TAS2R1: variants seen among roughly 807,000 people sequenced by gnomAD.
TAS2R1 encodes taste receptor type 2 member 1.
For missense variants in TAS2R1, 370 were observed against 353.4 expected, an observed-to-expected ratio of 1.05 and a Z score of -0.38; for synonymous variants, 141 against 134.2, an observed-to-expected ratio of 1.05 and a Z score of -0.35.
At chr5:9,840,877 T>A in the TAS2R1 span, among the ~76,000 whole-genome samples, 862 of 30,204 alleles carry the variant, frequency 0.029, 20 homozygotes, top group Middle Eastern at 0.093. Context: ...TTTTTTTTTT[T>A]TTTTTTTTTT....
the TAS2R1 span, among the ~76,000 whole-genome samples, chr5:9,902,235 A>G: frequency 2.0e-5 from 3 of 152,092 alleles, no homozygotes. Context: ...TCATAAGTTT[A>G]TAATTTAACA....
At chr5:9,655,734 AAC>A (rs1740403838) in intron 2 of TAS2R1, among the ~76,000 whole-genome samples, 1 of 152,150 alleles carries the variant, frequency 6.6e-6, no homozygotes, top group Admixed American at 6.5e-5. Context: ...CACAAGAAAA[AAC>A]ACACACTCAA....
At chr5:9,902,277 G>A in the TAS2R1 span, among the ~76,000 whole-genome samples, 1 of 152,054 alleles carries the variant, frequency 6.6e-6, no homozygotes, top group South Asian at 2.1e-4. Flanking sequence ...GAACTGAGTG[G>A]GTCAACTACC....
the TAS2R1 span, among the ~76,000 whole-genome samples, chr5:9,818,805 T>C: frequency 6.6e-6 from 1 of 152,158 alleles, no homozygotes; most frequent in South Asian, 2.1e-4. Context: ...AGAGTCACAT[T>C]GCAAGATGTG....
At chr5:9,893,614 C>T in the TAS2R1 span, among the ~76,000 whole-genome samples, 1 of 151,962 alleles carries the variant, frequency 6.6e-6, no homozygotes, top group African/African-American at 2.4e-5. Flanking sequence ...AAAAAAAATT[C>T]CAACAGCAAA....
At chr5:9,737,951 C>G in the TAS2R1 span, among the ~76,000 whole-genome samples, 1 of 152,086 alleles carries the variant, frequency 6.6e-6, no homozygotes, top group Non-Finnish European at 1.5e-5. Flanking sequence ...TGTTATCACT[C>G]TAAGAGGGAG....
chr5:9,818,057 A>G, the TAS2R1 span, among the ~76,000 whole-genome samples: 1 of 152,172 alleles, frequency 6.6e-6, no homozygotes, highest in African/African-American at 2.4e-5. Context: ...GGATGAGGAC[A>G]CAGAACCAAA....
chr5:9,723,992 G>C, the TAS2R1 span, among the ~76,000 whole-genome samples: 1 of 152,322 alleles, frequency 6.6e-6, no homozygotes, highest in East Asian at 1.9e-4. Context: ...AGCCATCTCA[G>C]TCTTTCTCCT....
the TAS2R1 span, among the ~76,000 whole-genome samples, chr5:9,873,254 C>T: frequency 6.6e-6 from 1 of 152,130 alleles, no homozygotes; most frequent in Non-Finnish European, 1.5e-5. Flanking sequence ...GATATTCTCC[C>T]TCTCTACGAC....
the TAS2R1 span, among the ~76,000 whole-genome samples, chr5:9,881,566 G>A: frequency 1.5e-4 from 23 of 152,088 alleles, no homozygotes; most frequent in African/African-American, 5.3e-4. Context: ...CCTAAGCAAA[G>A]AGAACAAAGC....
chr5:9,755,587 CAAAA>C, the TAS2R1 span, among the ~76,000 whole-genome samples: 3 of 94,856 alleles, frequency 3.2e-5, no homozygotes, highest in Admixed American at 1.1e-4. Context: ...ACTCCATCTC[CAAAA>C]AAAAAAAAAA....
At chr5:9,792,809 T>C in the TAS2R1 span, among the ~76,000 whole-genome samples, 1 of 152,202 alleles carries the variant, frequency 6.6e-6, no homozygotes, top group Non-Finnish European at 1.5e-5. Context: ...AAGAAGAACA[T>C]GAAGGCCTCT....
At chr5:9,794,356 G>T in the TAS2R1 span, among the ~76,000 whole-genome samples, 1 of 152,100 alleles carries the variant, frequency 6.6e-6, no homozygotes, top group African/African-American at 2.4e-5. Flanking sequence ...AGTCTATCCT[G>T]TTAGGGATAT....
the TAS2R1 span, among the ~76,000 whole-genome samples, chr5:9,789,061 C>T: frequency 6.6e-6 from 1 of 152,070 alleles, no homozygotes; most frequent in Non-Finnish European, 1.5e-5. Context: ...ACCTCTAAAG[C>T]AAATACAACA....
chr5:9,825,149 T>C, the TAS2R1 span, among the ~76,000 whole-genome samples: 5 of 152,234 alleles, frequency 3.3e-5, no homozygotes, highest in Non-Finnish European at 7.3e-5. Context: ...AATACTATCA[T>C]TTCCTTTCTA....
the TAS2R1 span, among the ~76,000 whole-genome samples, chr5:9,807,745 T>G: frequency 6.6e-6 from 1 of 152,124 alleles, no homozygotes; most frequent in Non-Finnish European, 1.5e-5. Flanking sequence ...AATGATACAT[T>G]GGACTTTTGG....
At chr5:9,701,159 G>A (rs1417546262) in intron 1 of TAS2R1, among the ~76,000 whole-genome samples, 1 of 151,148 alleles carries the variant, frequency 6.6e-6, no homozygotes, top group East Asian at 1.9e-4. Context: ...TGTGGAGAAG[G>A]GGAGACAAGG....
At chr5:9,662,374 C>G (rs573910389) in intron 1 of TAS2R1, among the ~76,000 whole-genome samples, 2 of 152,236 alleles carry the variant, frequency 1.3e-5, no homozygotes, top group East Asian at 1.9e-4. Context: ...TTCCAAAATG[C>G]AAAGTGATGG....
chr5:9,638,261 G>C (rs1333461426), intron 2 of TAS2R1, among the ~76,000 whole-genome samples: 1 of 152,244 alleles, frequency 6.6e-6, no homozygotes, highest in Admixed American at 6.5e-5. Flanking sequence ...TGTCTGCAAA[G>C]AGTCCTGTGA....
Sources: allele counts gnomAD v4.1 joint callset (sites outside exome capture counted in the v4.1 genomes callset), GRCh38; gene constraint gnomAD v4.1.1; transcripts MANE v1.5; gene names NCBI Gene and HGNC (gene_info 2026-07-23, HGNC 2026-07-21).